The following ANKRD13A variants were observed in gnomAD, a reference collection of about 807,000 sequenced individuals.
The protein encoded by ANKRD13A is ankyrin repeat domain 13A, also known as ankyrin repeat domain-containing protein 13A.
In ANKRD13A, 48 loss-of-function variants were observed where a neutral mutation model predicts 81.3. The ratio of observed to expected loss-of-function variants is 0.59; its 90% confidence interval spans 0.47 to 0.75. The LOEUF (loss-of-function observed/expected upper bound fraction) is 0.75, where lower values mean the gene tolerates loss of function less well. ANKRD13A is among the 30% of genes least tolerant of loss of function. The pLI is 0.00. For synonymous variants in ANKRD13A, 230 were observed against 270.1 expected (o/e 0.85, Z 1.45); for missense variants, 612 against 734.0 (o/e 0.83, Z 1.92).
chr12:110,025,009 A>G (rs1891245578), intron 7 of ANKRD13A, among the ~76,000 whole-genome samples: 1 of 152,176 alleles, frequency 6.6e-6, no homozygotes, highest in South Asian at 2.1e-4. Context: ...TTGTGTTCAT[A>G]CCTTTCTCTT....
Position 110,018,224 on chromosome 12 carries a change from T to G in ANKRD13A, c.401-121T>G. On this transcript the variant is annotated intron_variant, in intron 4 of 14. Coordinates refer to ENST00000261739, the MANE Select transcript of ANKRD13A (RefSeq NM_033121.2). The surrounding 1 kb of genome is among the most constrained non-coding windows in gnomAD (Gnocchi z 4.4). ...GTAAATATGAAAGCCAAGAAGTCCG[T>G]TGTTTGATGGTCACCATCTTGCCAC... 1 of 1,016,594 alleles carries G rather than the reference T, an allele frequency of 9.8e-7. No individual in the cohort carries two copies. Among genetic ancestry groups the G allele is most frequent in the South Asian group, 1.9e-5 (1 of 51,934 alleles). 63.0% of individuals were successfully genotyped at this position (1,016,594 alleles called of 1,614,324 possible).
intron 12 of ANKRD13A, among the ~76,000 whole-genome samples, chr12:110,031,727 C>T (rs1489758960): frequency 1.3e-5 from 2 of 152,186 alleles, no homozygotes; most frequent in Non-Finnish European, 1.5e-5. Flanking sequence ...TTTCCTTACA[C>T]TCCTTTGCCA....
At chr12:110,019,511 A>C (rs1890968947) in intron 6 of ANKRD13A, among the ~76,000 whole-genome samples, 183 bp downstream of exon 6, 1 of 152,372 alleles carries the variant, frequency 6.6e-6, no homozygotes, top group South Asian at 2.1e-4. Flanking sequence ...GACACCATCC[A>C]TCATTTTTAC....
intron 10 of ANKRD13A, 128 bp downstream of exon 10, chr12:110,028,770 C>T: frequency 7.6e-7 from 1 of 1,314,418 alleles, no homozygotes; most frequent in South Asian, 1.4e-5. Context: ...CGGAGTCTCG[C>T]TCTGTCGCCT....
At position 110,030,682 on chromosome 12, in the gene ANKRD13A, A is replaced by G. The variant is rs774236686; in HGVS notation, c.1272A>G (p.Thr424=). Residue 424 remains threonine, a synonymous_variant, in exon 12 of 15, where the codon ACA becomes ACG. Coordinates refer to ENST00000261739, the MANE Select transcript of ANKRD13A (RefSeq NM_033121.2). ...TTCATGTCTTAAATGCACGGATTAC[A>G]TTTGGAAATGTTAATGGCTGTAGCA... ...PLFHVLNARI[T]FGNVNGCSTA... 3.1e-6 allele frequency: 5 copies of G among 1,610,376 alleles called. No homozygotes were observed. Among genetic ancestry groups the G allele is most frequent in the Non-Finnish European group, 4.2e-6 (5 of 1,178,022 alleles).
intron 1 of ANKRD13A, among the ~76,000 whole-genome samples, chr12:110,010,341 T>A (rs1007192653): frequency 6.6e-6 from 1 of 152,254 alleles, no homozygotes; most frequent in African/African-American, 2.4e-5. Context: ...AGAAAATACT[T>A]AGTTTATGTA....
Position 110,029,458 on chromosome 12 carries a change from T to C in ANKRD13A, c.1077-20T>C, listed in dbSNP as rs774042457. On this transcript the variant is annotated intron_variant, in intron 10 of 14. Coordinates refer to ENST00000261739, the MANE Select transcript of ANKRD13A (RefSeq NM_033121.2). Reference sequence around the variant, plus strand: ...ATCTGGTGGAGATGACCTCAGTCTTTTCTTGGTTGAATTCTGCAGGTTTAA... The same window carrying C: ...ATCTGGTGGAGATGACCTCAGTCTTCTCTTGGTTGAATTCTGCAGGTTTAA... 6.2e-7 allele frequency: 1 copy of C among 1,602,612 alleles called. No individual in the cohort carries two copies. The highest frequency in any genetic ancestry group is 8.5e-7 in the Non-Finnish European group (1 of 1,170,200).
chr12:110,036,756 A>G lies in ANKRD13A; in HGVS notation c.1577+428A>G, dbSNP rs903903423. Among the ~76,000 whole-genome samples the G allele has an allele frequency of 1.3e-5, 2 of 152,186 alleles. No individual in the cohort carries two copies. Among genetic ancestry groups the G allele is most frequent in the Non-Finnish European group, 2.9e-5 (2 of 68,028 alleles). On this transcript the variant is annotated intron_variant, in intron 14 of 14. Transcript: ENST00000261739. The surrounding 1 kb of genome is among the most constrained non-coding windows in gnomAD (Gnocchi z 4.6). ...TAGAGCGAGACTCCGTCTCAAAAAA[A>G]AAAAAGACTAAAGTGTTGGCTCTCT...
At chr12:110,008,306 C>T (rs942351317) in intron 1 of ANKRD13A, among the ~76,000 whole-genome samples, 3 of 152,148 alleles carry the variant, frequency 2.0e-5, no homozygotes, top group South Asian at 4.1e-4. Context: ...CGTTAATTGA[C>T]TATCTGAAGT....
At position 110,036,749 on chromosome 12, in the gene ANKRD13A, CAA is replaced by C. The variant is rs113661835; in HGVS notation, c.1577+432_1577+433del. On this transcript the variant is annotated intron_variant, in intron 14 of 14. Transcript: ENST00000261739. This position sits in a 1 kb window ranked among gnomAD's most constrained non-coding sequence, Gnocchi z 4.6. ...TGGGCGATAGAGCGAGACTCCGTCT[CAA>C]AAAAAAAAAAGACTAAAGTGTTGGC... is the stretch of plus-strand genomic sequence containing the variant. Among the ~76,000 whole-genome samples, 1 of 141,012 alleles carries C rather than the reference CAA, an allele frequency of 7.1e-6. No homozygotes were observed. Among genetic ancestry groups the C allele is most frequent in the East Asian group, 2.1e-4 (1 of 4,854 alleles). The allele number at this position is 141,012 out of a possible 152,430, so 92.5% of individuals were successfully genotyped here. A position where few individuals can be genotyped will look rare whatever the true frequency, so the allele number is the denominator to read the frequency against.
Position 109,999,792 on chromosome 12 carries a change from G to A in ANKRD13A, c.96+8G>A, listed in dbSNP as rs578162949. The A allele has an allele frequency of 2.1e-4, 321 of 1,529,786 alleles. 2 individuals carry two copies. The East Asian group carries it at 8.2e-3, about 39-fold the overall frequency. 94.8% of individuals were successfully genotyped at this position (1,529,786 alleles called of 1,614,324 possible). On this transcript the variant is annotated splice_region_variant and intron_variant, in intron 1 of 14. Coordinates refer to ENST00000261739, the MANE Select transcript of ANKRD13A (RefSeq NM_033121.2). This position sits in a 1 kb window ranked among gnomAD's most constrained non-coding sequence, Gnocchi z 4.3. ...AAGGAGCTGCAGGGCCAGGTGAGGG[G>A]CGGGGCGGGGGTCCGTCTCCCGGTG... is the stretch of plus-strand genomic sequence containing the variant.
chr12:110,001,391 G>A lies in ANKRD13A; in HGVS notation c.96+1607G>A, dbSNP rs77123010. Among the ~76,000 whole-genome samples, 13 of 149,886 alleles carry A rather than the reference G, an allele frequency of 8.7e-5. No individual in the cohort carries two copies. In the East Asian group the frequency reaches 2.6e-3, roughly 29 times the overall value. On this transcript the variant is annotated intron_variant, in intron 1 of 14. Coordinates refer to ENST00000261739, the MANE Select transcript of ANKRD13A (RefSeq NM_033121.2). The stretch of plus-strand genomic sequence containing the variant: ...GCAACCTGCCATATTTAAGGTGGTT[G>A]AGCCCTCACCGAAGTCCAAAATTAC...
At chr12:110,021,271 C>T (rs1891063244) in intron 6 of ANKRD13A, 4 of 360,144 alleles carry the variant, frequency 1.1e-5, no homozygotes, top group South Asian at 2.0e-5. Context: ...ATACCAGCTA[C>T]GAAAAGAATA....
Position 110,038,447 on chromosome 12 carries a change from T to C in ANKRD13A, c.*893T>C, listed in dbSNP as rs150439214. 6.6e-4 allele frequency: 101 copies of C among 152,660 alleles called. No homozygotes were observed. Among genetic ancestry groups the C allele is most frequent in the African/African-American group, 2.0e-3 (84 of 41,520 alleles). The allele number at this position is 152,660 out of a possible 1,614,324, so 9.5% of individuals were successfully genotyped here. ...AACCAAACCAGGTGTGTTCTACACC[T>C]GCATGAGTGAAGGATTTCCACGTAG... On this transcript the variant is annotated 3_prime_UTR_variant, in exon 15 of 15. Transcript: ENST00000261739.
intron 6 of ANKRD13A, among the ~76,000 whole-genome samples, chr12:110,020,422 T>C (rs113969637): frequency 0.018 from 2,809 of 152,342 alleles, 85 homozygotes; most frequent in African/African-American, 0.064. Flanking sequence ...TTTCTTCTAA[T>C]TTAGATTGAG....
chr12:110,024,145 T>C (rs369158995), intron 7 of ANKRD13A, 33 bp downstream of exon 7: 9 of 1,549,584 alleles, frequency 5.8e-6, no homozygotes, highest in Non-Finnish European at 7.9e-6. Flanking sequence ...AGATTTAATA[T>C]AGCTATTTAG....
chr12:110,037,427 G>A lies in ANKRD13A; in HGVS notation c.1646G>A (p.Arg549His), dbSNP rs752836978. ...LCPSALSETS[R>H]FDNDLQLAME... is the part of the protein sequence containing the mutation. ...CCCAGCGCCCTGAGCGAGACAAGCC[G>A]TTTTGATAATGACTTGCAGCTAGCC... The change falls in exon 15 of 15, where the codon CGT becomes CAT. Residue 549 changes from arginine to histidine, a missense_variant. Transcript: ENST00000261739. The A allele has an allele frequency of 9.9e-6, 16 of 1,614,128 alleles. No individual in the cohort carries two copies. Among genetic ancestry groups the A allele is most frequent in the African/African-American group, 2.7e-5 (2 of 74,944 alleles).
intron 6 of ANKRD13A, chr12:110,021,421 C>CTT: frequency 6.6e-6 from 1 of 151,596 alleles, no homozygotes; most frequent in Non-Finnish European, 1.4e-5. Flanking sequence ...TTTCTTTTTT[C>CTT]TTTCTTTTTT....
chr12:110,027,980 A>G, intron 9 of ANKRD13A: 1 of 560,490 alleles, frequency 1.8e-6, no homozygotes, highest in Admixed American at 3.2e-5. Context: ...GTGATTATAG[A>G]AATCAGGTGC....
Sources: gnomAD v4.1 joint callset for allele counts (sites outside exome capture counted in the v4.1 genomes callset) on GRCh38, gnomAD v4.1.1 for gene constraint, Gnocchi (gnomAD v3.1) non-coding constraint, MANE v1.5 for transcripts, NCBI Gene and HGNC (gene_info 2026-07-23, HGNC 2026-07-21) for gene names.